Variants in DPP4 observed in about 807,000 individuals in gnomAD.
DPP4 encodes dipeptidyl peptidase 4.
DPP4 carries 93 observed loss-of-function variants against 122.4 expected under a neutral mutation model. The observed-to-expected ratio is 0.76, with a 90% CI of 0.64 to 0.90. The LOEUF (loss-of-function observed/expected upper bound fraction) is 0.90, where lower values mean the gene tolerates loss of function less well. Ranked by LOEUF, DPP4 falls within the 40% of genes least tolerant of loss-of-function variation. DPP4 has a pLI of 0.00. For missense variants in DPP4, 914 were observed against 907.3 expected (o/e 1.01, Z -0.09); for synonymous variants, 321 against 302.9 (o/e 1.06, Z -0.62).
At chr2:162,073,527 G>A in intron 1 of DPP4, 41 bp from the exon 2 acceptor site, 1 of 1,597,866 alleles carries the variant, frequency 6.3e-7, no homozygotes, top group South Asian at 1.1e-5. Flanking sequence ...AGGGAAGCGT[G>A]TGGCCCCAGT....
chr2:162,030,423 C>T (rs1391880303), intron 10 of DPP4, among the ~76,000 whole-genome samples: 1 of 152,150 alleles, frequency 6.6e-6, no homozygotes, highest in African/African-American at 2.4e-5. Flanking sequence ...ATTTCACTTG[C>T]TGCAGGCTCT....
At chr2:162,035,073 C>A (rs1330446342) in intron 9 of DPP4, 91 bp downstream of exon 9, 2 of 1,318,136 alleles carry the variant, frequency 1.5e-6, no homozygotes, top group East Asian at 2.4e-5. Flanking sequence ...TGAAGAGAGA[C>A]TGACAATATT....
intron 10 of DPP4, 69 bp downstream of exon 10, chr2:162,033,472 C>T (rs1683637664): frequency 8.0e-7 from 1 of 1,256,910 alleles, no homozygotes; most frequent in Non-Finnish European, 1.1e-6. Context: ...TTGCCATTCA[C>T]TTTTGAAAAG....
chr2:162,049,514 G>A (rs1490822181), intron 2 of DPP4, among the ~76,000 whole-genome samples: 2 of 152,120 alleles, frequency 1.3e-5, no homozygotes, highest in Non-Finnish European at 2.9e-5. Context: ...AGAGCATCAG[G>A]AAGAATAGCT....
At chr2:162,014,029 G>A (rs1214493804) in intron 19 of DPP4, among the ~76,000 whole-genome samples, 1 of 152,148 alleles carries the variant, frequency 6.6e-6, no homozygotes, top group African/African-American at 2.4e-5. Context: ...GGCAGCCAGT[G>A]GGAGCTGGGG....
At chr2:162,066,236 T>C (rs570421495) in intron 2 of DPP4, among the ~76,000 whole-genome samples, 1 of 152,170 alleles carries the variant, frequency 6.6e-6, no homozygotes, top group East Asian at 1.9e-4. Context: ...ACCTCCAAAA[T>C]ACATCCTGCG....
intron 11 of DPP4, among the ~76,000 whole-genome samples, chr2:162,023,122 C>T (rs1683195423): frequency 6.6e-6 from 1 of 152,140 alleles, no homozygotes; most frequent in African/African-American, 2.4e-5. Context: ...TTAGTGGCAC[C>T]TATTCACCCA....
intron 2 of DPP4, among the ~76,000 whole-genome samples, chr2:162,060,478 TA>T: frequency 6.6e-6 from 1 of 152,198 alleles, no homozygotes; most frequent in East Asian, 1.9e-4. Context: ...CTGAACTCAT[TA>T]AAAAGTAGTC....
At chr2:161,999,304 A>C (rs566653712) in intron 23 of DPP4, among the ~76,000 whole-genome samples, 3 of 152,350 alleles carry the variant, frequency 2.0e-5, no homozygotes, top group African/African-American at 7.2e-5. Context: ...GATTAGAAAA[A>C]AAATTAATTG....
At chr2:161,996,993 T>G (rs1701024106) in intron 23 of DPP4, among the ~76,000 whole-genome samples, 1 of 152,214 alleles carries the variant, frequency 6.6e-6, no homozygotes, top group Admixed American at 6.5e-5. Flanking sequence ...AAATTTCTGA[T>G]GCTGATGTGA....
intron 2 of DPP4, among the ~76,000 whole-genome samples, chr2:162,049,671 G>C (rs1010440764): frequency 1.3e-5 from 2 of 152,072 alleles, no homozygotes; most frequent in African/African-American, 4.8e-5. Flanking sequence ...AAACAGATAA[G>C]AAGACTTCTG....
rs527526152 is a variant in DPP4, at chr2:161,992,781, G to C, written c.*502C>G. 6.5e-6 allele frequency: 1 copy of C among 154,716 alleles called. No homozygotes were observed. The highest frequency in any genetic ancestry group is 1.4e-5 in the Non-Finnish European group (1 of 69,324). The allele number at this position is 154,716 out of a possible 1,614,324, so 9.6% of individuals were successfully genotyped here. On this transcript the variant is annotated 3_prime_UTR_variant, in exon 26 of 26. Coordinates refer to ENST00000360534, the MANE Select transcript of DPP4 (RefSeq NM_001935.4). ...GTCTGGCTGTGAACAGCTCTTCTCC[G>C]AGGGGAGCTGACAGTAGCCTGCTCG... is the stretch of plus-strand genomic sequence containing the variant.
At chr2:162,035,350 T>C (rs770256743) in intron 8 of DPP4, 26 bp from the exon 9 acceptor site, 10 of 1,604,520 alleles carry the variant, frequency 6.2e-6, no homozygotes, top group Non-Finnish European at 6.8e-6. Flanking sequence ...AATTGTTCTG[T>C]TACAAGAAGT....
chr2:162,060,144 G>A (rs570999179), intron 2 of DPP4, among the ~76,000 whole-genome samples: 353 of 152,338 alleles, frequency 2.3e-3, no homozygotes, highest in Non-Finnish European at 3.6e-3. Context: ...AACAGTGATT[G>A]CATGTGGTAA....
intron 9 of DPP4, 81 bp from the exon 10 acceptor site, chr2:162,033,734 A>C: frequency 1.2e-6 from 1 of 868,082 alleles, no homozygotes; most frequent in Non-Finnish European, 1.8e-6. Context: ...ACTGCACAAA[A>C]ACGTCTGCAT....
intron 5 of DPP4, among the ~76,000 whole-genome samples, chr2:162,045,064 C>T (rs1684126373): frequency 6.6e-6 from 1 of 151,246 alleles, no homozygotes; most frequent in Non-Finnish European, 1.5e-5. Flanking sequence ...CTCAAGTGAT[C>T]CTCCTGCTTC....
rs111553716 is a variant in DPP4 at position 162,004,746 on chromosome 2, G to A, written c.2052+999C>T. On this transcript the variant is annotated intron_variant, in intron 23 of 25. Coordinates refer to ENST00000360534, the MANE Select transcript of DPP4 (RefSeq NM_001935.4). ...TGACTTCAGCATCCATAGTAATAGG[G>A]ATGACATCTTACAAAAACATATGGA... is the stretch of plus-strand genomic sequence containing the variant. Among the ~76,000 whole-genome samples, 440 of 152,260 alleles carry A rather than the reference G, an allele frequency of 2.9e-3. 3 individuals carry two copies. Among genetic ancestry groups the A allele is most frequent in the African/African-American group, 0.01 (427 of 41,550 alleles).
At position 162,038,317 on chromosome 2, in the gene DPP4, C is replaced by A; in HGVS notation, c.598G>T (p.Asp200Tyr). The A allele has an allele frequency of 1.9e-6, 3 of 1,584,354 alleles. No homozygotes were observed. Among genetic ancestry groups the A allele is most frequent in the South Asian group, 1.2e-5 (1 of 84,794 alleles). ...AAGTTTCTACCTTCATAAACCCAGT[C>A]AGTTATTCCATTATATATTATATCT... ...KEDIIYNGIT[D>Y]WVYEEEVFSA... is the part of the protein sequence containing the mutation. The change falls in exon 8 of 26, where the codon GAC (aspartate) becomes TAC (tyrosine). Residue 200 changes from aspartate (D) to tyrosine (Y), a missense_variant. By Grantham distance (160) the Asp-to-Tyr change is radical (BLOSUM62 -3). Transcript: ENST00000360534.
intron 2 of DPP4, 42 bp from the exon 3 acceptor site, chr2:162,047,543 G>C: frequency 7.2e-7 from 1 of 1,383,366 alleles, no homozygotes; most frequent in South Asian, 1.3e-5. Flanking sequence ...CAGTAAGATG[G>C]AATAACCTAA....
Sources: allele counts gnomAD v4.1 joint callset (sites outside exome capture counted in the v4.1 genomes callset), GRCh38; gene constraint gnomAD v4.1.1; transcripts MANE v1.5; gene names NCBI Gene and HGNC (gene_info 2026-07-23, HGNC 2026-07-21).